NRXN3: variants seen among roughly 807,000 people sequenced by gnomAD.
NRXN3 encodes neurexin 3, also known as neurexin III.
In NRXN3, 32 loss-of-function variants were observed where a neutral mutation model predicts 137.6. That is an observed-to-expected ratio of 0.23 (90% CI 0.18 to 0.31). The LOEUF (loss-of-function observed/expected upper bound fraction) is 0.31. Ranked by LOEUF, NRXN3 falls within the 10% of genes least tolerant of loss-of-function variation. The pLI is 1.00. For missense variants in NRXN3, 1,574 were observed against 2,062.5 expected, an observed-to-expected ratio of 0.76 and a Z score of 4.59; for synonymous variants, 798 against 784.5, an observed-to-expected ratio of 1.02 and a Z score of -0.29.
intron 20 of NRXN3, among the ~76,000 whole-genome samples, chr14:79,842,518 A>G (rs2099358148): frequency 1.3e-5 from 2 of 152,128 alleles, no homozygotes; most frequent in South Asian, 4.1e-4. Context: ...GTCACAGTGG[A>G]CTTTCCCAGT....
chr14:79,363,295 C>T (rs914158373), intron 15 of NRXN3, among the ~76,000 whole-genome samples: 13 of 152,186 alleles, frequency 8.5e-5, no homozygotes, highest in Admixed American at 3.3e-4. Context: ...CCACTGCACC[C>T]GACAAAAATT....
intron 7 of NRXN3, among the ~76,000 whole-genome samples, chr14:78,714,255 A>G (rs959501452): frequency 1.3e-5 from 2 of 152,130 alleles, no homozygotes; most frequent in Non-Finnish European, 2.9e-5. Flanking sequence ...TCAGGCAAAC[A>G]TATGGAGGCC....
intron 15 of NRXN3, among the ~76,000 whole-genome samples, chr14:79,136,823 C>T (rs1470182855): frequency 6.6e-6 from 1 of 152,178 alleles, no homozygotes; most frequent in Non-Finnish European, 1.5e-5. Flanking sequence ...AAAACACAAA[C>T]CACAACAATG....
At chr14:78,854,392 T>C (rs754062596) in intron 10 of NRXN3, among the ~76,000 whole-genome samples, 7 of 152,142 alleles carry the variant, frequency 4.6e-5, no homozygotes, top group South Asian at 2.1e-4. Flanking sequence ...TTTTTTTTAA[T>C]TGCACAAAAT....
intron 16 of NRXN3, among the ~76,000 whole-genome samples, chr14:79,476,218 C>T (rs1722146237): frequency 6.6e-6 from 1 of 152,076 alleles, no homozygotes; most frequent in African/African-American, 2.4e-5. Flanking sequence ...ATTAGCCACC[C>T]ACTCCACAGA....
At chr14:79,565,381 A>ATATACACACACATGTG (rs1406290368) in intron 16 of NRXN3, among the ~76,000 whole-genome samples, 1 of 127,292 alleles carries the variant, frequency 7.9e-6, no homozygotes, top group Non-Finnish European at 1.6e-5. Flanking sequence ...ATGTATATAT[A>ATATACACACACATGTG]TGTAATGCTA....
intron 15 of NRXN3, among the ~76,000 whole-genome samples, chr14:79,036,726 C>T (rs944006227): frequency 2.7e-5 from 4 of 146,734 alleles, no homozygotes; most frequent in Non-Finnish European, 4.5e-5. Context: ...TTCTTGGTGA[C>T]GTTGAAGTAA....
At chr14:78,447,420 CAG>C (rs2094446584) in intron 4 of NRXN3, among the ~76,000 whole-genome samples, 1 of 152,198 alleles carries the variant, frequency 6.6e-6, no homozygotes, top group South Asian at 2.1e-4. Flanking sequence ...ATCAAACAAA[CAG>C]ATAAATGCAC....
chr14:79,853,802 A>G, intron 20 of NRXN3: 1 of 991,312 alleles, frequency 1.0e-6, no homozygotes, highest in Non-Finnish European at 1.2e-6. Flanking sequence ...AAACTTATAA[A>G]TGCAGAAATT....
At chr14:78,994,788 T>C (rs2099526589) in intron 15 of NRXN3, among the ~76,000 whole-genome samples, 2 of 152,152 alleles carry the variant, frequency 1.3e-5, no homozygotes, top group Admixed American at 1.3e-4. Context: ...GTAAATAGGA[T>C]TAGTGGTAGT....
At chr14:78,184,123 C>A (rs1320955581) in intron 1 of NRXN3, among the ~76,000 whole-genome samples, 1 of 152,138 alleles carries the variant, frequency 6.6e-6, no homozygotes. Flanking sequence ...TAAATCTCCC[C>A]GCCAGAGATA....
At chr14:78,763,057 G>T (rs1228382722) in intron 8 of NRXN3, among the ~76,000 whole-genome samples, 1 of 152,194 alleles carries the variant, frequency 6.6e-6, no homozygotes. Context: ...GTTGGAGTAA[G>T]GGTGGCAGGG....
chr14:78,976,897 G>A (rs902734804), intron 14 of NRXN3, among the ~76,000 whole-genome samples: 2 of 152,178 alleles, frequency 1.3e-5, no homozygotes, highest in African/African-American at 2.4e-5. Flanking sequence ...TCTTTATTGA[G>A]AGTCTCCTTG....
At chr14:79,518,152 GC>G (rs2097017009) in intron 16 of NRXN3, among the ~76,000 whole-genome samples, 1 of 151,728 alleles carries the variant, frequency 6.6e-6, no homozygotes. Context: ...TGATCCACCC[GC>G]TTCAGCCTCC....
intron 15 of NRXN3, among the ~76,000 whole-genome samples, chr14:79,024,635 C>T (rs540551507): frequency 1.6e-4 from 25 of 152,224 alleles, no homozygotes; most frequent in Non-Finnish European, 2.9e-4. Flanking sequence ...GTCTTTCTTG[C>T]TAGGATCTGT....
chr14:79,089,310 C>T (rs949906443), intron 15 of NRXN3, among the ~76,000 whole-genome samples: 2 of 151,752 alleles, frequency 1.3e-5, no homozygotes, highest in East Asian at 1.9e-4. Context: ...TTTGAGCTCC[C>T]GAGAATGCTA....
intron 19 of NRXN3, among the ~76,000 whole-genome samples, chr14:79,708,674 G>T (rs2098791014): frequency 6.6e-6 from 1 of 152,072 alleles, no homozygotes; most frequent in South Asian, 2.1e-4. Flanking sequence ...TTGAATGATT[G>T]TAAAAATTAG....
At chr14:79,017,112 T>A (rs2099580549) in intron 15 of NRXN3, among the ~76,000 whole-genome samples, 2 of 151,882 alleles carry the variant, frequency 1.3e-5, no homozygotes, top group Admixed American at 1.3e-4. Flanking sequence ...ACTCTTAAGG[T>A]TAGTGTTGAT....
intron 16 of NRXN3, among the ~76,000 whole-genome samples, chr14:79,479,006 T>G: frequency 6.6e-6 from 1 of 152,078 alleles, no homozygotes; most frequent in East Asian, 1.9e-4. Flanking sequence ...CATACTGCAG[T>G]TTCCTAAATA....
Sources: allele counts gnomAD v4.1 joint callset (sites outside exome capture counted in the v4.1 genomes callset), GRCh38; gene constraint gnomAD v4.1.1; transcripts MANE v1.5; gene names NCBI Gene and HGNC (gene_info 2026-07-23, HGNC 2026-07-21).